The following NALF1 variants were observed in gnomAD, a reference collection of about 807,000 sequenced individuals.
NALF1 encodes the protein NALCN channel auxiliary factor 1, also known as family with sequence similarity 155 member A.
In NALF1, 3 loss-of-function variants were observed where a neutral mutation model predicts 48.4. The ratio of observed to expected loss-of-function variants is 0.06; its 90% CI spans 0.03 to 0.16. The LOEUF (loss-of-function observed/expected upper bound fraction) is 0.16, where lower values mean the gene tolerates loss of function less well. Among genes scored for constraint, NALF1 ranks in the 10% least tolerant of loss-of-function variants. NALF1 has a pLI of 1.00. For synonymous variants in NALF1, 262 were observed against 245.7 expected (o/e 1.07, Z -0.62); for missense variants, 526 against 571.5 (o/e 0.92, Z 0.81).
chr13:107,681,356 G>C (rs922801268), intron 1 of NALF1, among the ~76,000 whole-genome samples: 1 of 152,142 alleles, frequency 6.6e-6, no homozygotes, highest in Non-Finnish European at 1.5e-5. Context: ...TCCAACACGT[G>C]AATGAGATGA....
chr13:107,682,815 A>C (rs1190338600), intron 1 of NALF1, among the ~76,000 whole-genome samples: 1 of 152,192 alleles, frequency 6.6e-6, no homozygotes, highest in Non-Finnish European at 1.5e-5. Context: ...TTACACTGAA[A>C]GCCAGCTCAG....
chr13:107,783,082 C>A (rs1466438346), intron 1 of NALF1, among the ~76,000 whole-genome samples: 1 of 137,736 alleles, frequency 7.3e-6, no homozygotes, highest in African/African-American at 2.8e-5. Flanking sequence ...CAGCCCCCTG[C>A]CCGGCCAGCC....
chr13:107,401,956 T>A (rs1026819169), intron 1 of NALF1, among the ~76,000 whole-genome samples: 2 of 152,176 alleles, frequency 1.3e-5, no homozygotes, highest in Non-Finnish European at 2.9e-5. Context: ...TTATAAAAAG[T>A]CACTTTACTC....
At chr13:107,195,562 C>A (rs1015785565) in intron 2 of NALF1, among the ~76,000 whole-genome samples, 1 of 152,196 alleles carries the variant, frequency 6.6e-6, no homozygotes, top group South Asian at 2.1e-4. Context: ...CTCCTCTATA[C>A]TTTCTTAATA....
At chr13:107,829,708 T>C (rs932956117) in intron 1 of NALF1, among the ~76,000 whole-genome samples, 3 of 152,112 alleles carry the variant, frequency 2.0e-5, no homozygotes, top group Non-Finnish European at 2.9e-5. Context: ...TGTCTGAAAA[T>C]TCTGCTGCTC....
intron 1 of NALF1, among the ~76,000 whole-genome samples, chr13:107,228,349 A>AG (rs1880150086): frequency 6.6e-6 from 1 of 152,172 alleles, no homozygotes; most frequent in East Asian, 1.9e-4. Flanking sequence ...AAAGAAGTAG[A>AG]GGGTGGAAAG....
chr13:107,223,668 C>T (rs1594077680), intron 1 of NALF1, among the ~76,000 whole-genome samples: 1 of 152,132 alleles, frequency 6.6e-6, no homozygotes, highest in Non-Finnish European at 1.5e-5. Context: ...TCGTTGGGTG[C>T]TCCCTGTGTT....
chr13:107,187,853 T>G (rs1485950001), intron 2 of NALF1, among the ~76,000 whole-genome samples: 2 of 152,228 alleles, frequency 1.3e-5, no homozygotes, highest in East Asian at 3.8e-4. Flanking sequence ...ATATACTTTT[T>G]TATTTTTATT....
chr13:107,448,963 G>T (rs1053371931), intron 1 of NALF1, among the ~76,000 whole-genome samples: 3 of 152,222 alleles, frequency 2.0e-5, no homozygotes, highest in African/African-American at 7.2e-5. Context: ...TCACACGACT[G>T]CCAGGTGCAG....
chr13:107,329,160 A>G (rs906723114), intron 1 of NALF1, among the ~76,000 whole-genome samples: 4 of 152,230 alleles, frequency 2.6e-5, no homozygotes, highest in Non-Finnish European at 5.9e-5. Flanking sequence ...TAAAATAACT[A>G]TAATTCCTTA....
chr13:107,308,137 C>G (rs1594113582), intron 1 of NALF1, among the ~76,000 whole-genome samples: 1 of 151,546 alleles, frequency 6.6e-6, no homozygotes, highest in South Asian at 2.1e-4. Context: ...TATTTTTTAC[C>G]CAGGAAATCA....
intron 1 of NALF1, among the ~76,000 whole-genome samples, chr13:107,319,725 T>C (rs1312833602): frequency 3.9e-5 from 6 of 152,142 alleles, no homozygotes; most frequent in East Asian, 1.9e-4. Flanking sequence ...TCCAAGTTCA[T>C]GCAGTCAGTA....
chr13:107,856,849 G>C (rs1880451149), intron 1 of NALF1, among the ~76,000 whole-genome samples: 1 of 152,128 alleles, frequency 6.6e-6, no homozygotes. Context: ...CATCCCATTT[G>C]TACATCTTCT....
chr13:107,733,816 T>C (rs1465574579), intron 1 of NALF1, among the ~76,000 whole-genome samples: 1 of 152,152 alleles, frequency 6.6e-6, no homozygotes, highest in Non-Finnish European at 1.5e-5. Context: ...ATCTATTTCC[T>C]GGAAGAGGAA....
At chr13:107,696,541 C>A (rs1881703042) in intron 1 of NALF1, among the ~76,000 whole-genome samples, 1 of 141,788 alleles carries the variant, frequency 7.1e-6, no homozygotes. Flanking sequence ...TACTTAACAT[C>A]TCCAAGTTGA....
chr13:107,389,774 T>TGC (rs1479895363), intron 1 of NALF1, among the ~76,000 whole-genome samples: 1 of 152,150 alleles, frequency 6.6e-6, no homozygotes, highest in African/African-American at 2.4e-5. Context: ...CATAGAACAG[T>TGC]GCCTGGCATT....
intron 2 of NALF1, among the ~76,000 whole-genome samples, chr13:107,174,617 A>C (rs1594054663): frequency 6.6e-6 from 1 of 151,904 alleles, no homozygotes; most frequent in Non-Finnish European, 1.5e-5. Flanking sequence ...GGCCTCCCAG[A>C]GTGCTGGGAA....
chr13:107,718,957 A>G lies in NALF1; in HGVS notation c.915+146725T>C, dbSNP rs148452267. 5.9e-5 allele frequency among the ~76,000 whole-genome samples: 9 copies of G among 152,340 alleles called. No individual in the cohort carries two copies. In the East Asian group the frequency reaches 1.7e-3, roughly 29 times the overall value. On this transcript the variant is annotated intron_variant, in intron 1 of 2. Coordinates refer to ENST00000375915, the MANE Select transcript of NALF1 (RefSeq NM_001080396.3). Reference sequence around the variant, plus strand: ...TCAGAATATTCTTTTGCACAATGCTAGGAGCTAAACCTTTGGTGGTTTTGC... The same window carrying G: ...TCAGAATATTCTTTTGCACAATGCTGGGAGCTAAACCTTTGGTGGTTTTGC...
At chr13:107,505,693 A>C (rs945033322) in intron 1 of NALF1, among the ~76,000 whole-genome samples, 3 of 152,190 alleles carry the variant, frequency 2.0e-5, no homozygotes, top group Non-Finnish European at 4.4e-5. Flanking sequence ...CAAAGCTTGA[A>C]GTGCCTCTTA....
Sources: allele counts gnomAD v4.1 joint callset (sites outside exome capture counted in the v4.1 genomes callset), GRCh38; gene constraint gnomAD v4.1.1; transcripts MANE v1.5; gene names NCBI Gene and HGNC (gene_info 2026-07-23, HGNC 2026-07-21).